DOCK8: variants seen among roughly 807,000 people sequenced by gnomAD.
The protein encoded by DOCK8 is dedicator of cytokinesis 8.
Under a neutral mutation model 245.6 loss-of-function variants are expected in DOCK8, and 141 were observed. That is an observed-to-expected ratio of 0.57 (90% CI 0.50 to 0.66). The LOEUF (loss-of-function observed/expected upper bound fraction) is 0.66. Ranked by LOEUF, DOCK8 falls within the 30% of genes least tolerant of loss-of-function variation. DOCK8 has a pLI of 0.00. For synonymous variants in DOCK8, 1,168 were observed against 970.2 expected (o/e 1.20, Z -3.79); for missense variants, 2,965 against 2,603.4 (o/e 1.14, Z -3.02).
chr9:312,307 C>G (rs897602888), intron 6 of DOCK8, 141 bp downstream of exon 6: 15 of 959,098 alleles, frequency 1.6e-5, no homozygotes, highest in Non-Finnish European at 2.3e-5. Context: ...TCGTTTTTCA[C>G]TCAGGCAAGC....
Position 289,514 on chromosome 9 carries a change from G to C in DOCK8, c.337G>C (p.Glu113Gln). 10 of 1,613,350 alleles carry C rather than the reference G, an allele frequency of 6.2e-6. No individual in the cohort carries two copies. The highest frequency in any genetic ancestry group is 8.5e-6 in the Non-Finnish European group (10 of 1,179,482). ...LQPSLPEEGV[E>Q]LDPHVRDCVQ... ...TTTCATTTTCTACCTCATTAGGGTT[G>C]AACTGGACCCTCATGTCAGGGACTG... The change falls in exon 4 of 48, where the codon GAA becomes CAA. Residue 113 changes from glutamate (E) to glutamine (Q), a missense_variant. By Grantham distance (29) the Glu-to-Gln change is conservative (BLOSUM62 2). Around this residue, in one of 3 missense-constraint regions of DOCK8, gnomAD observed 2,825 missense variants for 2,453.5 expected, o/e 1.15. Coordinates refer to ENST00000432829, the MANE Select transcript of DOCK8 (RefSeq NM_203447.4).
chr9:343,018 C>T (rs1237079364), intron 14 of DOCK8, among the ~76,000 whole-genome samples: 1 of 152,132 alleles, frequency 6.6e-6, no homozygotes, highest in African/African-American at 2.4e-5. Flanking sequence ...CATTTGCAGT[C>T]CTAACAGCAG....
At chr9:415,098 T>G (rs927773123) in intron 29 of DOCK8, 147 bp downstream of exon 29, 28 of 1,154,216 alleles carry the variant, frequency 2.4e-5, no homozygotes, top group Middle Eastern at 2.8e-4. Flanking sequence ...TCTTTAACAC[T>G]GGCCCCAATC....
chr9:428,197 G>T (rs1279158718), intron 34 of DOCK8, among the ~76,000 whole-genome samples, 165 bp from the exon 35 acceptor site: 1 of 152,140 alleles, frequency 6.6e-6, no homozygotes, highest in African/African-American at 2.4e-5. Context: ...TTGGAAATAG[G>T]TCTTCAGTTC....
chr9:404,968 G>T lies in DOCK8; in HGVS notation c.3285G>T (p.Glu1095Asp). The change falls in exon 27 of 48, where the codon GAG becomes GAT. Residue 1095 changes from glutamate to aspartate, a missense_variant. Transcript: ENST00000432829. ...CAACGCTCATTTCCATGAGGCTAGA[G>T]TTCCTGAGAATCCTCTGTAGCCATG... Reference protein sequence around the residue: ...NLPTLISMRLEFLRILCSHEH... With the variant: ...NLPTLISMRLDFLRILCSHEH... The T allele has an allele frequency of 1.2e-6, 2 of 1,614,034 alleles. No homozygotes were observed. The highest frequency in any genetic ancestry group is 1.7e-6 in the Non-Finnish European group (2 of 1,179,998).
At chr9:301,983 AT>A (rs200304231) in intron 4 of DOCK8, among the ~76,000 whole-genome samples, 224 of 146,886 alleles carry the variant, frequency 1.5e-3, no homozygotes, top group South Asian at 1.0e-2. Flanking sequence ...TTTTCACAGA[AT>A]TTAAAAAAAA....
rs1469007115 is a variant in DOCK8, at chr9:340,238, C to G, written c.1596C>G (p.Pro532=). 1 of 1,614,170 alleles carries G rather than the reference C, an allele frequency of 6.2e-7. No individual in the cohort carries two copies. Among genetic ancestry groups the G allele is most frequent in the Admixed American group, 1.7e-5 (1 of 60,024 alleles). ...CLTPEMLPVK[P]FPENRTRPHK... The stretch of plus-strand genomic sequence containing the variant: ...CTCCTGAAATGCTGCCCGTGAAACC[C>G]TTTCCTGAAAACCGGACACGCCCGC... Residue 532 remains proline, a synonymous_variant, in exon 14 of 48, where the codon CCC becomes CCG. Coordinates refer to ENST00000432829, the MANE Select transcript of DOCK8 (RefSeq NM_203447.4).
intron 14 of DOCK8, among the ~76,000 whole-genome samples, chr9:358,509 A>T (rs2052558815): frequency 6.6e-6 from 1 of 152,218 alleles, no homozygotes; most frequent in South Asian, 2.1e-4. Context: ...GTGTAAGGTT[A>T]ATATGTACAC....
At position 428,446 on chromosome 9, in the gene DOCK8, A is replaced by G. The variant is rs774297215; in HGVS notation, c.4423A>G (p.Thr1475Ala). 7 of 1,614,074 alleles carry G rather than the reference A, an allele frequency of 4.3e-6. No homozygotes were observed. In the East Asian group the frequency reaches 1.1e-4, roughly 26 times the overall value. The change falls in exon 35 of 48, where the codon ACC (threonine) becomes GCC (alanine). Residue 1475 changes from threonine (T) to alanine (A), a missense_variant. Physicochemically the swap from Thr to Ala is moderately conservative, Grantham distance 58. Coordinates refer to ENST00000432829, the MANE Select transcript of DOCK8 (RefSeq NM_203447.4). ...GAATTCTCTGAACTGTGATCAGAGT[A>G]CCACCTACCTGACTCACTGCTTTGC... The part of the protein sequence containing the change: ...LVNSLNCDQS[T>A]TYLTHCFATL...
intron 33 of DOCK8, among the ~76,000 whole-genome samples, chr9:425,022 A>C (rs1436921025): frequency 1.3e-5 from 2 of 152,262 alleles, no homozygotes; most frequent in Non-Finnish European, 2.9e-5. Flanking sequence ...TGAATAAAAG[A>C]ATAAAATATT....
At chr9:425,436 G>A (rs2056450670) in intron 33 of DOCK8, among the ~76,000 whole-genome samples, 1 of 151,590 alleles carries the variant, frequency 6.6e-6, no homozygotes, top group Admixed American at 6.6e-5. Context: ...GGAGGCTGAA[G>A]CAGGAGAATG....
chr9:432,442 T>G (rs1294692231), intron 37 of DOCK8, 118 bp downstream of exon 37: 4 of 1,046,644 alleles, frequency 3.8e-6, no homozygotes, highest in Non-Finnish European at 5.6e-6. Context: ...TTGCAAGTAT[T>G]TATTGTCCAA....
rs181830466 is a variant in DOCK8, at chr9:428,045, G to T, written c.4339-317G>T. Among the ~76,000 whole-genome samples, 158 of 152,274 alleles carry T rather than the reference G, an allele frequency of 1.0e-3. 1 individual carries two copies. The highest frequency in any genetic ancestry group is 1.3e-3 in the Non-Finnish European group (87 of 68,018). ...CACAATTGTGTTTTGCATCCCATAA[G>T]GAAAGCTATGTCTTGTATACAAAGA... On this transcript the variant is annotated intron_variant, in intron 34 of 47. Transcript: ENST00000432829.
intron 26 of DOCK8, among the ~76,000 whole-genome samples, chr9:400,536 C>G (rs1400600881): frequency 1.3e-5 from 1 of 75,334 alleles, no homozygotes; most frequent in Non-Finnish European, 2.4e-5. Flanking sequence ...ATCACCACCA[C>G]CTCCACCACC....
intron 4 of DOCK8, among the ~76,000 whole-genome samples, chr9:297,036 C>T (rs888048480): frequency 2.6e-5 from 4 of 152,122 alleles, no homozygotes; most frequent in Admixed American, 2.6e-4. Flanking sequence ...ACTCCCTACC[C>T]CAAGGCATGG....
chr9:354,591 A>C (rs372252884), intron 14 of DOCK8, among the ~76,000 whole-genome samples: 2 of 152,190 alleles, frequency 1.3e-5, no homozygotes, highest in African/African-American at 2.4e-5. Context: ...CGAAAAGTGC[A>C]GTGAGGATGT....
At chr9:250,798 A>C (rs901373924) in intron 1 of DOCK8, among the ~76,000 whole-genome samples, 4 of 152,242 alleles carry the variant, frequency 2.6e-5, no homozygotes, top group Non-Finnish European at 5.9e-5. Flanking sequence ...ACATTAAAAC[A>C]GGACAGGAAG....
intron 1 of DOCK8, among the ~76,000 whole-genome samples, chr9:250,241 G>C (rs2047615048): frequency 6.6e-6 from 1 of 152,174 alleles, no homozygotes; most frequent in South Asian, 2.1e-4. Context: ...ATGTGCTACT[G>C]CTTGCAGTTG....
chr9:397,716 A>G (rs923256813), intron 25 of DOCK8, among the ~76,000 whole-genome samples: 4 of 152,156 alleles, frequency 2.6e-5, no homozygotes, highest in African/African-American at 9.7e-5. Context: ...ATGAAAGATA[A>G]TATTTTTGCT....
Sources: allele counts gnomAD v4.1 joint callset (sites outside exome capture counted in the v4.1 genomes callset), GRCh38; gene constraint gnomAD v4.1.1; regional missense constraint gnomAD v4.1.1; transcripts MANE v1.5; gene names NCBI Gene and HGNC (gene_info 2026-07-23, HGNC 2026-07-21).